Variants in FLVCR2 observed in about 807,000 individuals in gnomAD.
FLVCR2 encodes the protein choline/ethanolamine transporter FLVCR2.
In FLVCR2, 38 loss-of-function variants were observed where a neutral mutation model predicts 48.9. The ratio of observed to expected loss-of-function variants is 0.78; its 90% CI spans 0.60 to 1.02. The LOEUF (loss-of-function observed/expected upper bound fraction) is 1.02, where lower values mean the gene tolerates loss of function less well. Among genes scored for constraint, FLVCR2 ranks in the 50% least tolerant of loss-of-function variants. The pLI, the probability that FLVCR2 is intolerant of heterozygous loss-of-function variation, is 0.00. For missense variants in FLVCR2, 664 were observed against 663.3 expected, an observed-to-expected ratio of 1.00 and a Z score of -0.01; for synonymous variants, 255 against 257.0, an observed-to-expected ratio of 0.99 and a Z score of 0.07.
chr14:75,596,781 C>CA (rs1491232157), intron 1 of FLVCR2, among the ~76,000 whole-genome samples: 1 of 60,420 alleles, frequency 1.7e-5, no homozygotes, highest in Non-Finnish European at 3.4e-5. Flanking sequence ...TCCTCTTTTG[C>CA]CCCCCCCCCC....
At chr14:75,581,846 T>C (rs1888617356) in intron 1 of FLVCR2, among the ~76,000 whole-genome samples, 2 of 152,136 alleles carry the variant, frequency 1.3e-5, no homozygotes, top group African/African-American at 4.8e-5. Flanking sequence ...TCCTTTAGGA[T>C]AGATTTCCAT....
At chr14:75,579,755 G>T in intron 1 of FLVCR2, 114 bp downstream of exon 1, 1 of 1,182,076 alleles carries the variant, frequency 8.5e-7, no homozygotes, top group Non-Finnish European at 1.2e-6. Flanking sequence ...GACTCTGGGT[G>T]ACAGTAACTG....
chr14:75,631,734 C>G, intron 3 of FLVCR2: 1 of 455,926 alleles, frequency 2.2e-6, no homozygotes, highest in Non-Finnish European at 4.4e-6. Context: ...TATTTTCTTT[C>G]TTCTCCTTCC....
At chr14:75,603,408 A>G (rs1446503350) in intron 1 of FLVCR2, among the ~76,000 whole-genome samples, 1 of 152,220 alleles carries the variant, frequency 6.6e-6, no homozygotes, top group Non-Finnish European at 1.5e-5. Flanking sequence ...ACTTCAGAGA[A>G]GAGTCAGCTG....
chr14:75,582,188 T>C (rs1888626634), intron 1 of FLVCR2, among the ~76,000 whole-genome samples: 1 of 152,156 alleles, frequency 6.6e-6, no homozygotes, highest in Non-Finnish European at 1.5e-5. Context: ...CCAGCTTCCT[T>C]TGGAAGTAAA....
rs547769263 is a variant in FLVCR2, at chr14:75,624,706, C to T, written c.906C>T (p.Ala302=). 7.4e-6 allele frequency: 12 copies of T among 1,614,122 alleles called. No individual in the cohort carries two copies. Among genetic ancestry groups the T allele is most frequent in the African/African-American group, 6.7e-5 (5 of 75,006 alleles). ...SPDASYLGSI[A]RLFKNLNFVL... ...ATGCCTCATACTTAGGTTCCATCGC[C>T]CGGCTCTTCAAAAATCTCAACTTTG... The change falls in exon 3 of 10, where the codon GCC becomes GCT. Residue 302 remains alanine (A), a synonymous_variant. Coordinates refer to ENST00000238667, the MANE Select transcript of FLVCR2 (RefSeq NM_017791.3).
At chr14:75,634,805 T>C in intron 4 of FLVCR2, 105 bp from the exon 5 acceptor site, 1 of 748,402 alleles carries the variant, frequency 1.3e-6, no homozygotes, top group Non-Finnish European at 2.4e-6. Flanking sequence ...TTGACTCTGA[T>C]GGAGCTTGAG....
intron 5 of FLVCR2, among the ~76,000 whole-genome samples, chr14:75,636,591 G>T (rs1890171847): frequency 6.6e-6 from 1 of 152,162 alleles, no homozygotes; most frequent in Non-Finnish European, 1.5e-5. Context: ...CACTTTCTCA[G>T]CCCTCTTCAG....
intron 1 of FLVCR2, among the ~76,000 whole-genome samples, chr14:75,615,203 A>G (rs920356580): frequency 6.6e-6 from 1 of 152,206 alleles, no homozygotes; most frequent in South Asian, 2.1e-4. Context: ...GTTGCCTGGG[A>G]GAAAGGCAGA....
chr14:75,592,611 C>T (rs546954341), intron 1 of FLVCR2, among the ~76,000 whole-genome samples: 26 of 152,326 alleles, frequency 1.7e-4, no homozygotes, highest in African/African-American at 2.4e-4. Context: ...GCTTCTTACA[C>T]ATTTCACCTT....
intron 1 of FLVCR2, among the ~76,000 whole-genome samples, chr14:75,599,006 C>G (rs1278626444): frequency 6.6e-6 from 1 of 152,216 alleles, no homozygotes; most frequent in Non-Finnish European, 1.5e-5. Context: ...AGAGGAATGT[C>G]AGCAAGATGG....
intron 1 of FLVCR2, among the ~76,000 whole-genome samples, chr14:75,591,147 G>A (rs1266904772): frequency 2.0e-5 from 3 of 152,176 alleles, no homozygotes; most frequent in African/African-American, 7.2e-5. Flanking sequence ...GGGCACAAGT[G>A]ATCCTCCCAC....
intron 1 of FLVCR2, among the ~76,000 whole-genome samples, chr14:75,615,790 C>T (rs540292316): frequency 1.5e-4 from 22 of 148,270 alleles, no homozygotes; most frequent in Non-Finnish European, 3.0e-4. Context: ...GAGGCCGAGG[C>T]GGGCGGATCA....
intron 1 of FLVCR2, among the ~76,000 whole-genome samples, chr14:75,580,871 C>T (rs1315615649): frequency 6.6e-6 from 1 of 152,146 alleles, no homozygotes; most frequent in African/African-American, 2.4e-5. Flanking sequence ...TCTGGATTGC[C>T]TGAAGCATGC....
At chr14:75,627,786 C>A (rs529461415) in intron 3 of FLVCR2, among the ~76,000 whole-genome samples, 1 of 152,176 alleles carries the variant, frequency 6.6e-6, no homozygotes, top group African/African-American at 2.4e-5. Flanking sequence ...GAACAAGAGG[C>A]TGCCTGAAAA....
intron 3 of FLVCR2, among the ~76,000 whole-genome samples, chr14:75,627,832 A>G (rs987589631): frequency 6.6e-6 from 1 of 152,374 alleles, no homozygotes; most frequent in Non-Finnish European, 1.5e-5. Context: ...TGATGTCCAT[A>G]TGGGGTTCTT....
chr14:75,600,853 A>G (rs889039876), intron 1 of FLVCR2, among the ~76,000 whole-genome samples: 2 of 151,952 alleles, frequency 1.3e-5, no homozygotes, highest in African/African-American at 4.8e-5. Context: ...AGAATGTGTA[A>G]AGAACTCTTT....
rs1449298921 is a variant in FLVCR2 at position 75,606,471 on chromosome 14, A to C, written c.670-15608A>C. On this transcript the variant is annotated intron_variant, in intron 1 of 9. Coordinates refer to ENST00000238667, the MANE Select transcript of FLVCR2 (RefSeq NM_017791.3). ...GGTTTGTGGAGACACCCATTTGAGC[A>C]CACCCAGGATTCATCCCTTCTCTGC... 3.3e-5 allele frequency among the ~76,000 whole-genome samples: 5 copies of C among 152,282 alleles called. No individual in the cohort carries two copies. In the East Asian group the frequency reaches 7.7e-4, roughly 24 times the overall value.
At chr14:75,635,249 A>G (rs908383971) in intron 5 of FLVCR2, among the ~76,000 whole-genome samples, 3 of 152,176 alleles carry the variant, frequency 2.0e-5, no homozygotes, top group African/African-American at 7.2e-5. Flanking sequence ...AAGGCCTAGC[A>G]TAGTCCTCTT....
Sources: gnomAD v4.1 joint callset for allele counts (sites outside exome capture counted in the v4.1 genomes callset) on GRCh38, gnomAD v4.1.1 for gene constraint, MANE v1.5 for transcripts, NCBI Gene and HGNC (gene_info 2026-07-23, HGNC 2026-07-21) for gene names.